The following DACH2 variants were observed in gnomAD, a reference collection of about 807,000 sequenced individuals.
The protein encoded by DACH2 is dachshund homolog 2.
Under a neutral mutation model 35.8 loss-of-function variants are expected in DACH2, and 17 were observed. The observed-to-expected ratio is 0.48, with a 90% CI of 0.33 to 0.71. The LOEUF (loss-of-function observed/expected upper bound fraction) is 0.71, where lower values mean the gene tolerates loss of function less well. Ranked by LOEUF, DACH2 falls within the 30% of genes least tolerant of loss-of-function variation. DACH2 has a pLI of 0.02. For missense variants in DACH2, 469 were observed against 472.7 expected (o/e 0.99, Z 0.07); for synonymous variants, 195 against 177.3 (o/e 1.10, Z -0.79).
chrX:86,730,928 G>A (rs183910994), intron 6 of DACH2, among the ~76,000 whole-genome samples: 2 of 111,466 alleles, frequency 1.8e-5, no homozygotes, highest in Non-Finnish European at 3.8e-5. Flanking sequence ...GTTATGGGAT[G>A]TATGCAACTG....
chrX:86,399,297 C>T (rs1569379338), intron 2 of DACH2, among the ~76,000 whole-genome samples: 1 of 111,526 alleles, frequency 9.0e-6, no homozygotes. Flanking sequence ...GATGAGTTTC[C>T]TGAATACAGC....
chrX:86,184,393 G>C (rs1487209111), intron 1 of DACH2: 1 of 128,065 alleles, frequency 7.8e-6, no homozygotes, highest in Non-Finnish European at 1.6e-5. Context: ...TTTTTTGGTA[G>C]AGACAGGGTT....
intron 11 of DACH2, 148 bp downstream of exon 11, chrX:86,816,247 A>T (rs1324253987): frequency 5.9e-6 from 2 of 336,963 alleles, no homozygotes; most frequent in African/African-American, 5.4e-5. Context: ...TTTATGACAC[A>T]GGAAGCAATT....
At chrX:86,234,265 A>G (rs1172700617) in intron 1 of DACH2, among the ~76,000 whole-genome samples, 2 of 111,957 alleles carry the variant, frequency 1.8e-5, no homozygotes, top group African/African-American at 6.5e-5. Flanking sequence ...AAGACTAAAT[A>G]TAATTTGATG....
chrX:86,576,274 C>G (rs866573657), intron 3 of DACH2, among the ~76,000 whole-genome samples: 1 of 111,728 alleles, frequency 9.0e-6, no homozygotes, highest in African/African-American at 3.2e-5. Context: ...TCAGGATATG[C>G]ATTACAAAGG....
At chrX:86,592,600 C>T (rs2039661366) in intron 3 of DACH2, among the ~76,000 whole-genome samples, 1 of 112,106 alleles carries the variant, frequency 8.9e-6, no homozygotes, top group Admixed American at 9.5e-5. Context: ...TGAATGTATA[C>T]ATCAAGTTAT....
At chrX:86,187,958 T>C (rs975986592) in intron 1 of DACH2, among the ~76,000 whole-genome samples, 11 of 112,118 alleles carry the variant, frequency 9.8e-5, no homozygotes, top group Non-Finnish European at 2.1e-4. Flanking sequence ...TATACTTTTA[T>C]AATAGTTTGT....
At chrX:86,392,481 A>T (rs1375320525) in intron 2 of DACH2, among the ~76,000 whole-genome samples, 1 of 111,995 alleles carries the variant, frequency 8.9e-6, no homozygotes, top group Non-Finnish European at 1.9e-5. Context: ...AGAAAAAGTT[A>T]GGCTGAAATG....
intron 1 of DACH2, among the ~76,000 whole-genome samples, chrX:86,237,555 C>T: frequency 9.0e-6 from 1 of 111,263 alleles, no homozygotes; most frequent in East Asian, 2.8e-4. Context: ...TCTGGTGGCG[C>T]CTCTGCCCGA....
At chrX:86,701,977 A>G (rs779811802) in intron 5 of DACH2, among the ~76,000 whole-genome samples, 1 of 110,914 alleles carries the variant, frequency 9.0e-6, no homozygotes, top group Non-Finnish European at 1.9e-5. Flanking sequence ...CACACAGTTT[A>G]CCTATATAAC....
At chrX:86,658,830 G>C (rs1372974721) in intron 4 of DACH2, among the ~76,000 whole-genome samples, 1 of 111,419 alleles carries the variant, frequency 9.0e-6, no homozygotes. Context: ...ATTTTTAACT[G>C]CATTGCTTAT....
chrX:86,162,446 G>GGAAGTA, intron 1 of DACH2, among the ~76,000 whole-genome samples: 1 of 111,289 alleles, frequency 9.0e-6, no homozygotes, highest in Middle Eastern at 4.7e-3. Flanking sequence ...CTGATAGGTG[G>GGAAGTA]GAAGTAGGCA....
chrX:86,622,057 C>T (rs1458860815), intron 3 of DACH2, among the ~76,000 whole-genome samples: 1 of 110,985 alleles, frequency 9.0e-6, no homozygotes, highest in Non-Finnish European at 1.9e-5. Flanking sequence ...ATGAAAAAAA[C>T]TTGTTTACAA....
chrX:86,331,944 T>C (rs1230807253), intron 1 of DACH2, among the ~76,000 whole-genome samples: 3 of 111,603 alleles, frequency 2.7e-5, no homozygotes, highest in African/African-American at 9.8e-5. Flanking sequence ...ATTTCCTATC[T>C]GCGTTTATAA....
chrX:86,286,854 A>AT (rs1331771466), intron 1 of DACH2, among the ~76,000 whole-genome samples: 1 of 111,930 alleles, frequency 8.9e-6, no homozygotes, highest in South Asian at 3.7e-4. Context: ...TGTAGTTATT[A>AT]TTTTTTATTC....
intron 6 of DACH2, among the ~76,000 whole-genome samples, chrX:86,717,506 T>G (rs902228995): frequency 4.6e-5 from 5 of 109,578 alleles, no homozygotes; most frequent in Non-Finnish European, 7.6e-5. Context: ...GATAGGAACT[T>G]GATAATGAGT....
chrX:86,154,310 T>C (rs1325000685), intron 1 of DACH2, among the ~76,000 whole-genome samples: 1 of 111,490 alleles, frequency 9.0e-6, no homozygotes, highest in Non-Finnish European at 1.9e-5. Flanking sequence ...TCCTAATTGA[T>C]CCAAAACTGA....
intron 1 of DACH2, among the ~76,000 whole-genome samples, chrX:86,176,604 A>G (rs746868074): frequency 1.5e-4 from 17 of 111,655 alleles, no homozygotes; most frequent in African/African-American, 4.2e-4. Context: ...TCTAAAATTT[A>G]AAAATTAAAG....
intron 2 of DACH2, among the ~76,000 whole-genome samples, chrX:86,500,994 T>C (rs1300377550): frequency 9.0e-6 from 1 of 111,730 alleles, no homozygotes; most frequent in East Asian, 2.8e-4. Context: ...TATGACACCA[T>C]CAGTTTGATG....
Sources: allele counts gnomAD v4.1 joint callset (sites outside exome capture counted in the v4.1 genomes callset), GRCh38; gene constraint gnomAD v4.1.1; transcripts MANE v1.5; gene names NCBI Gene and HGNC (gene_info 2026-07-23, HGNC 2026-07-21).